The following PRCP variants were observed in gnomAD, a reference collection of about 807,000 sequenced individuals.
The protein encoded by PRCP is lysosomal Pro-X carboxypeptidase.
Under a neutral mutation model 54.2 loss-of-function variants are expected in PRCP, and 46 were observed. The ratio of observed to expected loss-of-function variants is 0.85; its 90% CI spans 0.67 to 1.09. The LOEUF (loss-of-function observed/expected upper bound fraction) is 1.09, where lower values mean the gene tolerates loss of function less well. PRCP is among the 50% of genes least tolerant of loss of function. PRCP has a pLI of 0.00. For missense variants in PRCP, 613 were observed against 596.8 expected, an observed-to-expected ratio of 1.03 and a Z score of -0.28; for synonymous variants, 240 against 212.2, an observed-to-expected ratio of 1.13 and a Z score of -1.14.
chr11:82,898,985 T>TA (rs200803319), intron 1 of PRCP, among the ~76,000 whole-genome samples: 8 of 130,276 alleles, frequency 6.1e-5, no homozygotes, highest in Admixed American at 1.6e-4. Context: ...TCTCTATTTT[T>TA]AAAAATAAAA....
At chr11:82,875,289 T>G (rs1859578080) in intron 1 of PRCP, among the ~76,000 whole-genome samples, 1 of 152,168 alleles carries the variant, frequency 6.6e-6, no homozygotes, top group Non-Finnish European at 1.5e-5. Context: ...GACTCCTGAG[T>G]TGAACTGGAA....
Position 82,886,181 on chromosome 11 carries a change from A to C in PRCP, c.168+14054T>G, listed in dbSNP as rs956748025. On this transcript the variant is annotated intron_variant, in intron 1 of 8. Transcript: ENST00000313010. ...CATTATATTTTTGCTGTCCAAAATT[A>C]CCCAACCTGGTGTTAGGAGAACTAA... Among the ~76,000 whole-genome samples the C allele has an allele frequency of 2.0e-5, 3 of 152,336 alleles. No individual in the cohort carries two copies. The South Asian group carries it at 6.2e-4, about 32-fold the overall frequency.
At chr11:82,865,100 A>G (rs1381804865) in intron 1 of PRCP, among the ~76,000 whole-genome samples, 1 of 152,186 alleles carries the variant, frequency 6.6e-6, no homozygotes, top group Non-Finnish European at 1.5e-5. Context: ...TTCATCACCC[A>G]GTTTTAAAAT....
intron 1 of PRCP, among the ~76,000 whole-genome samples, chr11:82,879,708 G>A (rs1376503202): frequency 2.6e-5 from 4 of 152,170 alleles, no homozygotes; most frequent in Admixed American, 2.6e-4. Context: ...CGTACAGATG[G>A]GGTTTTGGTG....
At chr11:82,842,692 C>A (rs1045784197) in intron 6 of PRCP, among the ~76,000 whole-genome samples, 5 of 152,158 alleles carry the variant, frequency 3.3e-5, no homozygotes, top group Non-Finnish European at 7.4e-5. Context: ...TACATCCTGT[C>A]AAACTGCCTT....
intron 2 of PRCP, among the ~76,000 whole-genome samples, chr11:82,856,362 T>C (rs867630714): frequency 6.6e-6 from 1 of 152,132 alleles, no homozygotes; most frequent in Non-Finnish European, 1.5e-5. Flanking sequence ...ATAATATCCT[T>C]TGCAGTAACA....
At chr11:82,846,784 G>C (rs1000646588) in intron 6 of PRCP, among the ~76,000 whole-genome samples, 1 of 152,178 alleles carries the variant, frequency 6.6e-6, no homozygotes, top group Non-Finnish European at 1.5e-5. Context: ...TCACATGTAA[G>C]ACTGAACAGC....
chr11:82,876,803 T>A (rs1859613398), intron 1 of PRCP, among the ~76,000 whole-genome samples: 1 of 152,144 alleles, frequency 6.6e-6, no homozygotes, highest in South Asian at 2.1e-4. Context: ...GAAAACGAAC[T>A]AATACAGTAA....
In PRCP at chr11:82,850,344, T is replaced by C. The variant is rs769824005; in HGVS notation, c.573A>G (p.Lys191=). 1.3e-6 allele frequency: 2 copies of C among 1,578,100 alleles called. No individual in the cohort carries two copies. The highest frequency in any genetic ancestry group is 1.8e-5 in the Admixed American group (1 of 55,334). Reference sequence around the variant, plus strand: ...CTTACCCAACTACCATATGAGGATATTTCATCCTAAACCAGGCGGCAAGCA... The same window carrying C: ...CTTACCCAACTACCATATGAGGATACTTCATCCTAAACCAGGCGGCAAGCA... ...GGMLAAWFRM[K]YPHMVVGALA... Residue 191 remains lysine, a synonymous_variant, in exon 4 of 9, where the codon AAA becomes AAG. Coordinates refer to ENST00000313010, the MANE Select transcript of PRCP (RefSeq NM_005040.4).
In PRCP at chr11:82,824,526, G is replaced by T; in HGVS notation, c.*380C>A. On this transcript the variant is annotated 3_prime_UTR_variant, in exon 9 of 9. Transcript: ENST00000313010. Reference sequence around the variant, plus strand: ...CTGCTTTTACTTTGTGTAGGGTAGGGATGGGGACTTACAAATGGGCCAAAG... The same window carrying T: ...CTGCTTTTACTTTGTGTAGGGTAGGTATGGGGACTTACAAATGGGCCAAAG... 4.3e-6 allele frequency: 1 copy of T among 232,462 alleles called. No homozygotes were observed. 14.4% of individuals were successfully genotyped at this position (232,462 alleles called of 1,614,324 possible). A position where few individuals can be genotyped will look rare whatever the true frequency, so the allele number is the denominator to read the frequency against.
chr11:82,878,803 T>C (rs912313179), intron 1 of PRCP, among the ~76,000 whole-genome samples: 26 of 152,226 alleles, frequency 1.7e-4, no homozygotes, highest in African/African-American at 4.1e-4. Context: ...ACTTATGAAG[T>C]TTAGTTTGGC....
intron 1 of PRCP, among the ~76,000 whole-genome samples, chr11:82,874,518 C>T (rs1859554736): frequency 6.6e-6 from 1 of 151,784 alleles, no homozygotes; most frequent in Admixed American, 6.6e-5. Flanking sequence ...TGGCAAAACC[C>T]CGTCTCTTCA....
intron 6 of PRCP, chr11:82,846,327 G>A (rs1310927993): frequency 6.6e-6 from 1 of 152,100 alleles, no homozygotes; most frequent in Non-Finnish European, 1.5e-5. Context: ...GAAAGAAAGT[G>A]ATCTGAAGCT....
Position 82,850,372 on chromosome 11 carries a change from C to A in PRCP, c.545G>T (p.Gly182Val). Reference protein sequence around the residue: ...PVIAIGGSYGGMLAAWFRMKY... With the variant: ...PVIAIGGSYGVMLAAWFRMKY... ...CATCCTAAACCAGGCGGCAAGCATGCCACCATAGGAGCCTCCTATGGCAAT... is the reference window on the plus strand; with the variant it reads ...CATCCTAAACCAGGCGGCAAGCATGACACCATAGGAGCCTCCTATGGCAAT... The change falls in exon 4 of 9, where the codon GGC (glycine) becomes GTC (valine). Residue 182 changes from glycine (G) to valine (V), a missense_variant. By Grantham distance (109) the Gly-to-Val change is moderately radical. Coordinates refer to ENST00000313010, the MANE Select transcript of PRCP (RefSeq NM_005040.4). The A allele has an allele frequency of 1.3e-6, 2 of 1,588,930 alleles. No homozygotes were observed.
intron 1 of PRCP, among the ~76,000 whole-genome samples, chr11:82,861,434 G>T (rs74441189): frequency 0.12 from 17,727 of 152,144 alleles, 1,975 homozygotes; most frequent in African/African-American, 0.29. Context: ...GAGAATACTC[G>T]CTTGTCACAA....
intron 1 of PRCP, among the ~76,000 whole-genome samples, chr11:82,881,673 A>G (rs1471627313): frequency 6.6e-6 from 1 of 152,222 alleles, no homozygotes; most frequent in East Asian, 1.9e-4. Context: ...CTGGGAAAGC[A>G]AAGAAGGGGC....
chr11:82,835,516 G>A (rs950778114), intron 8 of PRCP: 3 of 257,830 alleles, frequency 1.2e-5, no homozygotes, highest in Admixed American at 5.1e-5. Flanking sequence ...GCCACGTCCG[G>A]GGATGAGACA....
Position 82,850,061 on chromosome 11 carries a change from C to G in PRCP, c.604G>C (p.Ala202Pro). The G allele has an allele frequency of 2.1e-6, 3 of 1,400,888 alleles. 1 individual carries two copies. The highest frequency in any genetic ancestry group is 5.4e-5 in the East Asian group (2 of 37,310). 86.8% of individuals were successfully genotyped at this position (1,400,888 alleles called of 1,614,324 possible). ...TCAAACTGCCAGATAGGGGCAGAAG[C>G]TGCAAGAGCTCTAAATGGCAAGAAA... ...YPHMVVGALAASAPIWQFEDL... is the reference protein window; with the variant it reads ...YPHMVVGALAPSAPIWQFEDL... Residue 202 changes from alanine (A) to proline (P), a missense_variant, in exon 5 of 9, where the codon GCT becomes CCT. Ala to Pro is a conservative substitution (Grantham distance 27, BLOSUM62 -1). Transcript: ENST00000313010.
intron 8 of PRCP, chr11:82,825,893 A>C (rs1309110207): frequency 6.6e-6 from 1 of 152,256 alleles, no homozygotes; most frequent in Admixed American, 6.5e-5. Flanking sequence ...GAAACTGAGT[A>C]TCTACTTTCA....
Sources: allele counts gnomAD v4.1 joint callset (sites outside exome capture counted in the v4.1 genomes callset), GRCh38; gene constraint gnomAD v4.1.1; transcripts MANE v1.5; gene names NCBI Gene and HGNC (gene_info 2026-07-23, HGNC 2026-07-21).